The following PAMR1 variants were observed in gnomAD, a reference collection of about 807,000 sequenced individuals.
The protein encoded by PAMR1 is peptidase domain containing associated with muscle regeneration 1, also known as inactive serine protease PAMR1.
Under a neutral mutation model 81.8 loss-of-function variants are expected in PAMR1, and 88 were observed. The ratio of observed to expected loss-of-function variants is 1.08; its 90% CI spans 0.91 to 1.28. The LOEUF is 1.28. PAMR1 is among the 50% of genes most tolerant of loss of function. PAMR1 has a pLI of 0.00. For missense variants in PAMR1, 935 were observed against 919.7 expected, an observed-to-expected ratio of 1.02 and a Z score of -0.21; for synonymous variants, 336 against 345.3, an observed-to-expected ratio of 0.97 and a Z score of 0.30.
At chr11:35,481,065 T>C (rs1850381649) in intron 3 of PAMR1, among the ~76,000 whole-genome samples, 1 of 152,236 alleles carries the variant, frequency 6.6e-6, no homozygotes, top group South Asian at 2.1e-4. Context: ...TAATATTCCA[T>C]GGTATATTAT....
At chr11:35,466,692 AC>A (rs1229228098) in intron 6 of PAMR1, among the ~76,000 whole-genome samples, 2 of 140,076 alleles carry the variant, frequency 1.4e-5, no homozygotes, top group East Asian at 2.1e-4. Context: ...GCGCCACTGC[AC>A]TCTAGCCTGG....
chr11:35,511,126 G>A (rs1168830047), intron 1 of PAMR1, among the ~76,000 whole-genome samples: 1 of 152,234 alleles, frequency 6.6e-6, no homozygotes, highest in Admixed American at 6.5e-5. Flanking sequence ...GAATGAATGA[G>A]TGAGTGAAAG....
intron 1 of PAMR1, among the ~76,000 whole-genome samples, chr11:35,497,736 A>G (rs1470680628): frequency 6.6e-6 from 1 of 152,218 alleles, no homozygotes; most frequent in Admixed American, 6.5e-5. Flanking sequence ...ATAAATAGTG[A>G]TTGATCAACT....
chr11:35,509,331 T>C (rs1332858300), intron 1 of PAMR1, among the ~76,000 whole-genome samples: 1 of 152,232 alleles, frequency 6.6e-6, no homozygotes, highest in African/African-American at 2.4e-5. Flanking sequence ...CAACATCTTG[T>C]TGCTTGCATT....
chr11:35,525,015 G>A (rs1033714378), intron 1 of PAMR1, among the ~76,000 whole-genome samples: 2 of 152,064 alleles, frequency 1.3e-5, no homozygotes, highest in Admixed American at 6.5e-5. Flanking sequence ...ACTCCGAAGG[G>A]GTATGGCTGT....
At chr11:35,504,149 G>C (rs950811744) in intron 1 of PAMR1, among the ~76,000 whole-genome samples, 5 of 151,962 alleles carry the variant, frequency 3.3e-5, no homozygotes, top group Non-Finnish European at 7.4e-5. Flanking sequence ...TTTTGTTCTT[G>C]ATTTTTTTGA....
rs1442563718 is a variant in PAMR1, at chr11:35,474,647, C to G, written c.477G>C (p.Gly159=). 1 of 1,599,992 alleles carries G rather than the reference C, an allele frequency of 6.3e-7. No individual in the cohort carries two copies. The highest frequency in any genetic ancestry group is 8.5e-7 in the Non-Finnish European group (1 of 1,173,740). The change falls in exon 4 of 11, where the codon GGG becomes GGC. Residue 159 remains glycine, a synonymous_variant. Coordinates refer to ENST00000619888, the MANE Select transcript of PAMR1 (RefSeq NM_001001991.3). ...HCEWTIHAKP[G]FVIQLRFVML... is the part of the protein sequence containing the mutation. The stretch of plus-strand genomic sequence containing the variant: ...CTCCTTACCTTAGTTGGATGACAAA[C>G]CCAGGTTTAGCATGAATGGTCCATT...
chr11:35,456,742 C>A (rs1467430010), intron 6 of PAMR1, among the ~76,000 whole-genome samples: 1 of 152,124 alleles, frequency 6.6e-6, no homozygotes, highest in Non-Finnish European at 1.5e-5. Flanking sequence ...TCAGTTTGAA[C>A]AAACCCTTCA....
At chr11:35,485,823 A>G (rs1850489370) in intron 3 of PAMR1, among the ~76,000 whole-genome samples, 1 of 152,144 alleles carries the variant, frequency 6.6e-6, no homozygotes, top group East Asian at 1.9e-4. Flanking sequence ...CAGGCTCTTC[A>G]GAGACACTCA....
chr11:35,440,701 C>G (rs2135341247), intron 7 of PAMR1, among the ~76,000 whole-genome samples: 1 of 152,336 alleles, frequency 6.6e-6, no homozygotes, highest in East Asian at 1.9e-4. Context: ...TCAAACTTCT[C>G]TATACAATAT....
chr11:35,525,456 G>A, intron 1 of PAMR1, 57 bp downstream of exon 1: 1 of 1,466,484 alleles, frequency 6.8e-7, no homozygotes, highest in East Asian at 2.3e-5. Flanking sequence ...ACCCCAGGAG[G>A]AAAATGCTCC....
At chr11:35,495,669 G>A (rs760870017) in intron 1 of PAMR1, among the ~76,000 whole-genome samples, 9 of 152,110 alleles carry the variant, frequency 5.9e-5, no homozygotes, top group East Asian at 1.9e-4. Flanking sequence ...TCGTAGGCCC[G>A]CATAAATGAA....
intron 6 of PAMR1, among the ~76,000 whole-genome samples, chr11:35,461,103 G>T (rs1856644661): frequency 6.6e-6 from 1 of 152,174 alleles, no homozygotes; most frequent in African/African-American, 2.4e-5. Flanking sequence ...TTAGTAGGTA[G>T]ACAGTCCATC....
At chr11:35,518,744 A>T (rs1590401019) in intron 1 of PAMR1, among the ~76,000 whole-genome samples, 1 of 152,050 alleles carries the variant, frequency 6.6e-6, no homozygotes, top group African/African-American at 2.4e-5. Context: ...CCAACAATTC[A>T]TTTGATTTCA....
chr11:35,474,815 C>A, intron 3 of PAMR1, 71 bp from the exon 4 acceptor site: 2 of 1,005,684 alleles, frequency 2.0e-6, no homozygotes, highest in Non-Finnish European at 3.1e-6. Flanking sequence ...AAGGTCTCAA[C>A]GAGACTTTGA....
Position 35,434,538 on chromosome 11 carries a change from C to T in PAMR1, c.1600G>A (p.Asp534Asn). 1 of 1,613,924 alleles carries T rather than the reference C, an allele frequency of 6.2e-7. No individual in the cohort carries two copies. Among genetic ancestry groups the T allele is most frequent in the Non-Finnish European group, 8.5e-7 (1 of 1,179,926 alleles). Residue 534 changes from aspartate (D) to asparagine (N), a missense_variant, in exon 10 of 11, where the codon GAT becomes AAT. Asp to Asn is a conservative substitution (Grantham distance 23). Coordinates refer to ENST00000619888, the MANE Select transcript of PAMR1 (RefSeq NM_001001991.3). ...TGTAGGCTCTGGATGGTCTTCTCAT[C>T]CCGGTCATCATCCCGGTAGAATTTC... is the stretch of plus-strand genomic sequence containing the variant. ...LGKFYRDDDR[D>N]EKTIQSLQIS...
chr11:35,520,219 T>C (rs1351340463), intron 1 of PAMR1, among the ~76,000 whole-genome samples: 1 of 152,138 alleles, frequency 6.6e-6, no homozygotes, highest in Admixed American at 6.5e-5. Context: ...CAACCCCTAC[T>C]TACTCCACTC....
chr11:35,501,225 A>C (rs1175149072), intron 1 of PAMR1, among the ~76,000 whole-genome samples: 1 of 151,050 alleles, frequency 6.6e-6, no homozygotes, highest in East Asian at 1.9e-4. Context: ...CTGTTTCCCA[A>C]ACTCAAGTGA....
intron 1 of PAMR1, among the ~76,000 whole-genome samples, chr11:35,524,113 C>T (rs975696796): frequency 1.2e-4 from 19 of 152,064 alleles, no homozygotes; most frequent in African/African-American, 2.7e-4. Flanking sequence ...CATGCAAAGG[C>T]GAAGATGAAG....
Sources: allele counts gnomAD v4.1 joint callset (sites outside exome capture counted in the v4.1 genomes callset), GRCh38; gene constraint gnomAD v4.1.1; transcripts MANE v1.5; gene names NCBI Gene and HGNC (gene_info 2026-07-23, HGNC 2026-07-21).